The following MAP4 variants were observed in gnomAD, a reference collection of about 807,000 sequenced individuals.
MAP4 encodes microtubule-associated protein 4.
MAP4 carries 76 observed loss-of-function variants against 170.2 expected under a neutral mutation model. The ratio of observed to expected loss-of-function variants is 0.45; its 90% CI spans 0.37 to 0.54. MAP4 has a LOEUF of 0.54. Ranked by LOEUF, MAP4 falls within the 20% of genes least tolerant of loss-of-function variation. The pLI is 0.00. For synonymous variants in MAP4, 909 were observed against 994.5 expected, an observed-to-expected ratio of 0.91 and a Z score of 1.62; for missense variants, 2,506 against 2,748.0, an observed-to-expected ratio of 0.91 and a Z score of 1.97.
At chr3:48,063,231 G>A (rs1245149669) in intron 1 of MAP4, among the ~76,000 whole-genome samples, 1 of 151,444 alleles carries the variant, frequency 6.6e-6, no homozygotes, top group Admixed American at 6.6e-5. Flanking sequence ...GTGCTGACAA[G>A]GATGTCAAAC....
At chr3:47,952,572 A>C (rs987090794) in intron 3 of MAP4, among the ~76,000 whole-genome samples, 2 of 151,882 alleles carry the variant, frequency 1.3e-5, no homozygotes, top group African/African-American at 4.8e-5. Flanking sequence ...GATCCTGTTG[A>C]TCTATGACCT....
intron 1 of MAP4, among the ~76,000 whole-genome samples, chr3:48,063,693 A>G (rs1417545816): frequency 6.6e-6 from 1 of 152,222 alleles, no homozygotes; most frequent in Non-Finnish European, 1.5e-5. Flanking sequence ...CAAGCCACAA[A>G]AAGACATTGA....
intron 3 of MAP4, among the ~76,000 whole-genome samples, chr3:47,930,916 G>A (rs1385566252): frequency 4.8e-5 from 7 of 147,074 alleles, no homozygotes; most frequent in African/African-American, 1.5e-4. Context: ...GTGACAGAGC[G>A]AGACTCTGTC....
intron 1 of MAP4, among the ~76,000 whole-genome samples, chr3:48,075,825 A>C (rs1006235477): frequency 6.6e-6 from 1 of 151,718 alleles, no homozygotes; most frequent in African/African-American, 2.4e-5. Flanking sequence ...AAATACAAAA[A>C]TTAGCTGGGT....
intron 13 of MAP4, 121 bp downstream of exon 13, chr3:47,871,796 G>A (rs932855595): frequency 1.8e-5 from 16 of 905,828 alleles, no homozygotes; most frequent in Non-Finnish European, 2.5e-5. Flanking sequence ...GTCCACTAAG[G>A]ACCGGTGCGT....
intron 1 of MAP4, among the ~76,000 whole-genome samples, chr3:48,053,037 A>C (rs1183219716): frequency 1.3e-5 from 2 of 152,184 alleles, no homozygotes; most frequent in East Asian, 1.9e-4. Context: ...ACAACTCCAA[A>C]TATTATATGC....
chr3:48,040,330 G>A (rs145366226), intron 1 of MAP4, among the ~76,000 whole-genome samples: 1,588 of 151,988 alleles, frequency 0.01, 28 homozygotes, highest in African/African-American at 0.036. Context: ...GTTCAGTGGC[G>A]TGATCTCGGC....
chr3:47,860,389 T>C (rs1298225578), intron 17 of MAP4, among the ~76,000 whole-genome samples: 1 of 152,214 alleles, frequency 6.6e-6, no homozygotes, highest in East Asian at 1.9e-4. Context: ...AGAAGGGGTT[T>C]CGCCAAGTGG....
chr3:48,087,708 CACACACAT>C (rs1187701569), intron 1 of MAP4, among the ~76,000 whole-genome samples: 6 of 149,714 alleles, frequency 4.0e-5, no homozygotes, highest in East Asian at 2.0e-4. Flanking sequence ...CGCGCGCGCA[CACACACAT>C]ACACACGCAC....
intron 8 of MAP4, 134 bp downstream of exon 8, chr3:47,914,683 G>T: frequency 1.9e-6 from 2 of 1,033,546 alleles, no homozygotes; most frequent in Non-Finnish European, 2.9e-6. Context: ...GATAAAATCT[G>T]TCTAAGAGAA....
chr3:48,080,026 T>C (rs1261588055), intron 1 of MAP4, among the ~76,000 whole-genome samples: 1 of 152,036 alleles, frequency 6.6e-6, no homozygotes, highest in Non-Finnish European at 1.5e-5. Flanking sequence ...AGAAAGCACA[T>C]TTCACGAGAG....
chr3:47,943,169 T>G (rs1446409791), intron 3 of MAP4, among the ~76,000 whole-genome samples: 4 of 152,014 alleles, frequency 2.6e-5, no homozygotes, highest in Non-Finnish European at 1.5e-5. Flanking sequence ...ATAAAAAAAG[T>G]GACAGGAGAA....
In MAP4 at chr3:47,853,164, T is replaced by C. The variant is rs1264044770; in HGVS notation, c.6885A>G (p.Thr2295=). 6.3e-7 allele frequency: 1 copy of C among 1,597,094 alleles called. No individual in the cohort carries two copies. Among genetic ancestry groups the C allele is most frequent in the Admixed American group, 1.7e-5 (1 of 58,104 alleles). The change falls in exon 20 of 21, where the codon ACA becomes ACG. Residue 2295 remains threonine (T), a splice_region_variant and synonymous_variant. Coordinates refer to ENST00000683076, the MANE Select transcript of MAP4 (RefSeq NM_001385682.1). ...AQTLDSQIQE[T]N ...CTTAGGCCGAGCCCAGCCACTTACTTGTCTCCTGGATCTGGCTGTCCAAGG... is the reference window on the plus strand; with the variant it reads ...CTTAGGCCGAGCCCAGCCACTTACTCGTCTCCTGGATCTGGCTGTCCAAGG...
intron 6 of MAP4, 77 bp from the exon 7 acceptor site, chr3:47,917,251 G>T: frequency 1.6e-6 from 2 of 1,248,170 alleles, no homozygotes; most frequent in Non-Finnish European, 2.3e-6. Flanking sequence ...TCAGGCATGA[G>T]AGTATTTGGC....
chr3:47,867,464 C>T (rs1018784550), intron 16 of MAP4, 126 bp from the exon 17 acceptor site: 1 of 703,784 alleles, frequency 1.4e-6, no homozygotes, highest in Non-Finnish European at 2.6e-6. Context: ...ACCTCCACCC[C>T]CACCTTCTAC....
In MAP4 at chr3:47,935,264, G is replaced by C. The variant is rs940212085; in HGVS notation, c.293-6914C>G. Among the ~76,000 whole-genome samples the C allele has an allele frequency of 6.6e-5, 10 of 152,174 alleles. No individual in the cohort carries two copies. In the East Asian group the frequency reaches 1.9e-3, roughly 29 times the overall value. On this transcript the variant is annotated intron_variant, in intron 3 of 20. Transcript: ENST00000683076. ...GAACTTAATTGAATCTAGGAAGATA[G>C]AAGGATGTAATTAAATGAAGCTGGG...
intron 1 of MAP4, among the ~76,000 whole-genome samples, chr3:48,073,219 A>G (rs1359262779): frequency 3.3e-5 from 5 of 151,468 alleles, no homozygotes; most frequent in Non-Finnish European, 5.9e-5. Context: ...AAAAATAATC[A>G]TAATTTTAAA....
intron 1 of MAP4, among the ~76,000 whole-genome samples, chr3:48,060,305 G>A (rs890676150): frequency 1.3e-5 from 2 of 151,760 alleles, no homozygotes; most frequent in African/African-American, 4.8e-5. Flanking sequence ...AAGTCCAAGA[G>A]AACCCACCAA....
chr3:47,932,685 T>A (rs1326406359), intron 3 of MAP4, among the ~76,000 whole-genome samples: 2 of 152,216 alleles, frequency 1.3e-5, no homozygotes, highest in African/African-American at 4.8e-5. Flanking sequence ...ATGTTGAGCA[T>A]TTTTTCATGT....
Sources: allele counts gnomAD v4.1 joint callset (sites outside exome capture counted in the v4.1 genomes callset), GRCh38; gene constraint gnomAD v4.1.1; transcripts MANE v1.5; gene names NCBI Gene and HGNC (gene_info 2026-07-23, HGNC 2026-07-21).